RNGTT: variants seen among roughly 807,000 people sequenced by gnomAD.
RNGTT encodes mRNA-capping enzyme.
A neutral mutation model predicts 79.3 loss-of-function variants in RNGTT; 33 were observed. That is an observed-to-expected ratio of 0.42 (90% CI 0.32 to 0.56). The LOEUF (loss-of-function observed/expected upper bound fraction) is 0.56. Among genes scored for constraint, RNGTT ranks in the 20% least tolerant of loss-of-function variants. RNGTT has a pLI of 0.17. For missense variants in RNGTT, 497 were observed against 739.1 expected (o/e 0.67, Z 3.80); for synonymous variants, 222 against 235.9 (o/e 0.94, Z 0.54).
chr6:88,624,615 T>C (rs950595267), intron 14 of RNGTT, among the ~76,000 whole-genome samples: 3 of 151,702 alleles, frequency 2.0e-5, no homozygotes, highest in African/African-American at 4.8e-5. Flanking sequence ...GAACTGAAAA[T>C]TATAAAACTT....
At chr6:88,785,734 T>C (rs1432320505) in intron 12 of RNGTT, among the ~76,000 whole-genome samples, 4 of 152,168 alleles carry the variant, frequency 2.6e-5, no homozygotes, top group Non-Finnish European at 5.9e-5. Flanking sequence ...CCATTCTAAT[T>C]TGTCATGTAC....
intron 14 of RNGTT, among the ~76,000 whole-genome samples, chr6:88,671,888 C>G (rs1288374790): frequency 2.1e-4 from 32 of 152,040 alleles, no homozygotes; most frequent in Non-Finnish European, 1.5e-5. Flanking sequence ...ACAAACAGTG[C>G]TGGGATAATT....
At chr6:88,849,457 C>T (rs999645696) in intron 10 of RNGTT, among the ~76,000 whole-genome samples, 3 of 151,822 alleles carry the variant, frequency 2.0e-5, no homozygotes, top group African/African-American at 4.8e-5. Context: ...GAAAAAAGTA[C>T]AGGATAATTA....
chr6:88,807,774 T>C (rs78549553), intron 11 of RNGTT, among the ~76,000 whole-genome samples: 9 of 149,024 alleles, frequency 6.0e-5, no homozygotes, highest in African/African-American at 2.0e-4. Flanking sequence ...AAAAAAAAAA[T>C]GTAGGTTTAT....
At position 88,929,089 on chromosome 6, in the gene RNGTT, A is replaced by G; in HGVS notation, c.279-16T>C. On this transcript the variant is annotated splice_polypyrimidine_tract_variant and intron_variant, in intron 3 of 15. Coordinates refer to ENST00000369485, the MANE Select transcript of RNGTT (RefSeq NM_003800.5). ...CTCACCATGTCTAGTAATATAGAAA[A>G]AGTTTTTTTGAAAAAAGAGATTACA... 1 of 1,601,920 alleles carries G rather than the reference A, an allele frequency of 6.2e-7. No individual in the cohort carries two copies. Among genetic ancestry groups the G allele is most frequent in the Non-Finnish European group, 8.5e-7 (1 of 1,173,998 alleles).
At chr6:88,673,236 A>C (rs976693435) in intron 14 of RNGTT, among the ~76,000 whole-genome samples, 2 of 152,232 alleles carry the variant, frequency 1.3e-5, no homozygotes, top group African/African-American at 4.8e-5. Flanking sequence ...AAAAATCAAC[A>C]ACCAATATGT....
intron 11 of RNGTT, among the ~76,000 whole-genome samples, chr6:88,802,805 G>C (rs368060813): frequency 2.8e-4 from 42 of 152,246 alleles, no homozygotes; most frequent in African/African-American, 1.0e-3. Flanking sequence ...AGCATGGGGG[G>C]AAATAGCCCC....
At chr6:88,657,626 C>A (rs183902361) in intron 14 of RNGTT, among the ~76,000 whole-genome samples, 363 of 152,204 alleles carry the variant, frequency 2.4e-3, no homozygotes, top group African/African-American at 8.4e-3. Flanking sequence ...GGCCTGAGAG[C>A]CCTGCTTGCT....
Position 88,614,535 on chromosome 6 carries a change from C to T in RNGTT, c.1507-140G>A, listed in dbSNP as rs548669245. On this transcript the variant is annotated intron_variant, in intron 14 of 15. Coordinates refer to ENST00000369485, the MANE Select transcript of RNGTT (RefSeq NM_003800.5). The stretch of plus-strand genomic sequence containing the variant: ...GAGAGCTCTTTGTCATCTGAAGTAT[C>T]TAATCAAGCTTAAGGTATGGTGTGC... 1.3e-5 allele frequency: 10 copies of T among 748,546 alleles called. No homozygotes were observed. The African/African-American group carries it at 1.6e-4, about 12-fold the overall frequency. 46.4% of individuals were successfully genotyped at this position (748,546 alleles called of 1,614,324 possible).
At chr6:88,817,981 G>A (rs1023584466) in intron 11 of RNGTT, among the ~76,000 whole-genome samples, 60 of 151,436 alleles carry the variant, frequency 4.0e-4, no homozygotes, top group Admixed American at 1.8e-3. Context: ...AGATGGTCTC[G>A]ATCTCCTGAC....
rs1781745616 is a variant in RNGTT at position 88,853,632 on chromosome 6, A to G, written c.1029T>C (p.Asp343=). 1 of 1,579,704 alleles carries G rather than the reference A, an allele frequency of 6.3e-7. No homozygotes were observed. Among genetic ancestry groups the G allele is most frequent in the South Asian group, 1.1e-5 (1 of 87,814 alleles). The part of the protein sequence containing the change: ...LRMHLSNTLL[D]GEMIIDRVNG... Reference sequence around the variant, plus strand: ...AGTATACATAAATATGACTTACGCCATCCAAGAGAGTATTTGATAAATGCA... The same window carrying G: ...AGTATACATAAATATGACTTACGCCGTCCAAGAGAGTATTTGATAAATGCA... The change falls in exon 9 of 16, where the codon GAT becomes GAC. Residue 343 remains aspartate (D), a synonymous_variant. Coordinates refer to ENST00000369485, the MANE Select transcript of RNGTT (RefSeq NM_003800.5).
At chr6:88,795,684 T>C (rs1232681236) in intron 12 of RNGTT, among the ~76,000 whole-genome samples, 1 of 148,492 alleles carries the variant, frequency 6.7e-6, no homozygotes, top group African/African-American at 2.5e-5. Context: ...AAAAGTATAA[T>C]TTTTTAAAAA....
intron 14 of RNGTT, among the ~76,000 whole-genome samples, chr6:88,642,649 T>A (rs1355765317): frequency 1.3e-5 from 2 of 152,084 alleles, no homozygotes; most frequent in Middle Eastern, 3.2e-3. Context: ...AAAACCTGAG[T>A]TCTAATCTCA....
At chr6:88,772,272 C>T (rs556680566) in intron 12 of RNGTT, among the ~76,000 whole-genome samples, 1 of 149,216 alleles carries the variant, frequency 6.7e-6, no homozygotes, top group South Asian at 2.1e-4. Context: ...ACACTGATTT[C>T]TTTAAAAAAA....
intron 8 of RNGTT, among the ~76,000 whole-genome samples, chr6:88,870,204 C>A (rs929660721): frequency 1.3e-5 from 2 of 152,102 alleles, no homozygotes; most frequent in Non-Finnish European, 2.9e-5. Context: ...TTTCTGATTT[C>A]TTTACCTAGT....
intron 14 of RNGTT, 78 bp downstream of exon 14, chr6:88,678,272 TTGA>T: frequency 6.5e-7 from 1 of 1,540,942 alleles, no homozygotes; most frequent in Non-Finnish European, 8.8e-7. Flanking sequence ...TTTTTATATG[TTGA>T]TTATTATTAG....
chr6:88,703,480 A>G (rs1776013144), intron 13 of RNGTT, among the ~76,000 whole-genome samples: 1 of 152,208 alleles, frequency 6.6e-6, no homozygotes, highest in South Asian at 2.1e-4. Flanking sequence ...AGTGAGAGCT[A>G]AACACTGGGT....
At chr6:88,713,214 C>T (rs536148349) in intron 13 of RNGTT, among the ~76,000 whole-genome samples, 2 of 152,144 alleles carry the variant, frequency 1.3e-5, no homozygotes, top group African/African-American at 4.8e-5. Flanking sequence ...GACTCAATAA[C>T]ACTTGCTTCC....
chr6:88,884,866 G>A (rs62429020), intron 8 of RNGTT, among the ~76,000 whole-genome samples: 1,956 of 152,188 alleles, frequency 0.013, 18 homozygotes, highest in Non-Finnish European at 0.019. Context: ...TTCTCACAGT[G>A]GCTTTGGATA....
Sources: allele counts gnomAD v4.1 joint callset (sites outside exome capture counted in the v4.1 genomes callset), GRCh38; gene constraint gnomAD v4.1.1; transcripts MANE v1.5; gene names NCBI Gene and HGNC (gene_info 2026-07-23, HGNC 2026-07-21).